Variants in ZCRB1 observed in about 807,000 individuals in gnomAD.
The protein encoded by ZCRB1 is zinc finger CCHC-type and RNA binding motif containing 1.
A neutral mutation model predicts 29.9 loss-of-function variants in ZCRB1; 21 were observed. That is an observed-to-expected ratio of 0.70 (90% CI 0.50 to 1.01). The LOEUF (loss-of-function observed/expected upper bound fraction) is 1.01, where lower values mean the gene tolerates loss of function less well. ZCRB1 is among the 50% of genes least tolerant of loss of function. ZCRB1 has a pLI of 0.00. For synonymous variants in ZCRB1, 77 were observed against 80.0 expected (o/e 0.96, Z 0.20); for missense variants, 204 against 253.3 (o/e 0.81, Z 1.32).
chr12:42,314,913 C>T (rs1284279326), intron 5 of ZCRB1, among the ~76,000 whole-genome samples: 5 of 151,900 alleles, frequency 3.3e-5, no homozygotes, highest in African/African-American at 1.2e-4. Context: ...GATTGTGCCA[C>T]CGCACTCCAG....
chr12:42,324,655 A>C (rs925175186), intron 1 of ZCRB1, among the ~76,000 whole-genome samples: 1 of 152,202 alleles, frequency 6.6e-6, no homozygotes, highest in Non-Finnish European at 1.5e-5. Context: ...CCCAGTCACC[A>C]CTTAAAAAAA....
intron 3 of ZCRB1, among the ~76,000 whole-genome samples, chr12:42,318,278 T>C (rs1437345241): frequency 6.6e-6 from 1 of 152,180 alleles, no homozygotes. Flanking sequence ...TTTCTAAGTG[T>C]TAGAATCAAA....
intron 3 of ZCRB1, 77 bp from the exon 4 acceptor site, chr12:42,317,975 A>G: frequency 1.8e-6 from 2 of 1,095,870 alleles, no homozygotes; most frequent in Non-Finnish European, 2.6e-6. Flanking sequence ...AATTCATTTT[A>G]AAAAGGGCTA....
intron 5 of ZCRB1, among the ~76,000 whole-genome samples, chr12:42,314,516 A>T (rs1406142399): frequency 6.8e-6 from 1 of 146,794 alleles, no homozygotes; most frequent in East Asian, 2.0e-4. Context: ...CAGGAGGTGG[A>T]GGTTGCAGTG....
At chr12:42,324,151 C>CTT (rs369802106) in intron 1 of ZCRB1, 47 bp from the exon 2 acceptor site, 13 of 1,476,688 alleles carry the variant, frequency 8.8e-6, no homozygotes, top group African/African-American at 8.4e-5. Context: ...AACCAGGATT[C>CTT]TTTTTTTGTT....
At chr12:42,316,187 T>C (rs2068593768) in intron 5 of ZCRB1, among the ~76,000 whole-genome samples, 1 of 152,060 alleles carries the variant, frequency 6.6e-6, no homozygotes, top group Non-Finnish European at 1.5e-5. Context: ...CTCCACCTCC[T>C]GGGTTCAAGC....
chr12:42,324,627 A>C (rs545030055), intron 1 of ZCRB1, among the ~76,000 whole-genome samples: 1 of 152,258 alleles, frequency 6.6e-6, no homozygotes, highest in Non-Finnish European at 1.5e-5. Context: ...AGCAGGCTGA[A>C]TTAAGGAATT....
At chr12:42,323,935 A>AT in intron 2 of ZCRB1, 84 bp downstream of exon 2, 2 of 1,246,794 alleles carry the variant, frequency 1.6e-6, no homozygotes, top group Non-Finnish European at 1.2e-6. Context: ...AAAAAAAAAA[A>AT]GGAAAAAAGA....
intron 1 of ZCRB1, 43 bp downstream of exon 1, chr12:42,325,881 G>C (rs1167466992): frequency 6.6e-6 from 1 of 152,588 alleles, no homozygotes; most frequent in African/African-American, 2.4e-5. Flanking sequence ...GTCTGGGGAG[G>C]GGGCCCCGCA....
intron 5 of ZCRB1, 136 bp from the exon 6 acceptor site, chr12:42,314,122 A>T: frequency 1.3e-6 from 1 of 785,838 alleles, no homozygotes. Context: ...TACAGAAGAC[A>T]TTAATGATAA....
intron 5 of ZCRB1, among the ~76,000 whole-genome samples, chr12:42,317,053 T>A (rs2068598092): frequency 6.6e-6 from 1 of 151,980 alleles, no homozygotes; most frequent in Admixed American, 6.6e-5. Context: ...CAAAAAAATT[T>A]AAAAATTAAC....
At chr12:42,325,233 T>C (rs892952497) in intron 1 of ZCRB1, 1 of 152,264 alleles carries the variant, frequency 6.6e-6, no homozygotes, top group African/African-American at 2.4e-5. Flanking sequence ...GCCTGTACTA[T>C]GGCTGGGTAC....
intron 2 of ZCRB1, chr12:42,323,816 G>A: frequency 1.8e-6 from 1 of 558,686 alleles, no homozygotes; most frequent in Admixed American, 3.1e-5. Context: ...GGGAGGATGA[G>A]GTGGGAGGAT....
chr12:42,317,936 A>G (rs1248947331), intron 3 of ZCRB1, 38 bp from the exon 4 acceptor site: 1 of 1,537,726 alleles, frequency 6.5e-7, no homozygotes, highest in African/African-American at 1.4e-5. Context: ...TGAGGCAGCA[A>G]TAAATAAAAC....
At chr12:42,319,470 C>T (rs1037929327) in intron 3 of ZCRB1, among the ~76,000 whole-genome samples, 3 of 152,204 alleles carry the variant, frequency 2.0e-5, no homozygotes, top group Admixed American at 1.3e-4. Context: ...CCCACGCACA[C>T]ACTATGAAGT....
Position 42,324,040 on chromosome 12 carries a change from C to G in ZCRB1, c.63G>C (p.Leu21=). Residue 21 remains leucine, a synonymous_variant, in exon 2 of 8, where the codon CTG becomes CTC. Coordinates refer to ENST00000266529, the MANE Select transcript of ZCRB1 (RefSeq NM_033114.4). ...TVYVSNLPFS[L]TNNDLYRIFS... ...TTACCCGGTACAAGTCATTGTTTGT[C>G]AGGGAAAAAGGCAAGTTGGATACAT... 1 of 1,614,046 alleles carries G rather than the reference C, an allele frequency of 6.2e-7. No individual in the cohort carries two copies. Among genetic ancestry groups the G allele is most frequent in the Non-Finnish European group, 8.5e-7 (1 of 1,179,984 alleles).
chr12:42,319,984 C>G lies in ZCRB1; in HGVS notation c.114-2086G>C, dbSNP rs537328572. The stretch of plus-strand genomic sequence containing the variant: ...TTACAGTTTAGTGGTAGAGACAGAC[C>G]AACAAACCAACTATCATACAATACT... On this transcript the variant is annotated intron_variant, in intron 3 of 7. Coordinates refer to ENST00000266529, the MANE Select transcript of ZCRB1 (RefSeq NM_033114.4). Among the ~76,000 whole-genome samples, 165 of 151,944 alleles carry G rather than the reference C, an allele frequency of 1.1e-3. 1 individual carries two copies. The highest frequency in any genetic ancestry group is 8.3e-3 in the South Asian group (40 of 4,802).
intron 5 of ZCRB1, among the ~76,000 whole-genome samples, chr12:42,316,062 C>A (rs1453184348): frequency 6.6e-6 from 1 of 151,982 alleles, no homozygotes; most frequent in Non-Finnish European, 1.5e-5. Context: ...CCCATTACTA[C>A]CTCTGGACTC....
intron 1 of ZCRB1, among the ~76,000 whole-genome samples, chr12:42,325,029 T>C (rs2068675450): frequency 6.6e-6 from 1 of 152,232 alleles, no homozygotes; most frequent in African/African-American, 2.4e-5. Flanking sequence ...GTCTAGCCTA[T>C]TGCTCCTAGG....
Sources: gnomAD v4.1 joint callset for allele counts (sites outside exome capture counted in the v4.1 genomes callset) on GRCh38, gnomAD v4.1.1 for gene constraint, MANE v1.5 for transcripts, NCBI Gene and HGNC (gene_info 2026-07-23, HGNC 2026-07-21) for gene names.